Variants in GCN1 observed in about 807,000 individuals in gnomAD.
GCN1 encodes the protein GCN1 activator of EIF2AK4.
A neutral mutation model predicts 288.4 loss-of-function variants in GCN1; 90 were observed. The observed-to-expected ratio is 0.31, with a 90% CI of 0.26 to 0.37. The LOEUF is 0.37. Among genes scored for constraint, GCN1 ranks in the 10% least tolerant of loss-of-function variants. GCN1 has a pLI of 1.00. For synonymous variants in GCN1, 1,386 were observed against 1,420.2 expected (o/e 0.98, Z 0.54); for missense variants, 2,586 against 3,419.9 (o/e 0.76, Z 6.08).
intron 16 of GCN1, among the ~76,000 whole-genome samples, chr12:120,166,225 A>G (rs1250088112): frequency 2.0e-5 from 3 of 151,722 alleles, no homozygotes; most frequent in Admixed American, 1.3e-4. Flanking sequence ...CAACATAGTA[A>G]AACCCCGTCT....
intron 22 of GCN1, among the ~76,000 whole-genome samples, chr12:120,161,032 A>G (rs1877908953): frequency 6.6e-6 from 1 of 152,196 alleles, no homozygotes; most frequent in Non-Finnish European, 1.5e-5. Flanking sequence ...GACAGAGAGA[A>G]GAGCAAACGC....
At chr12:120,138,528 C>T in intron 46 of GCN1, 113 bp from the exon 47 acceptor site, 1 of 1,016,726 alleles carries the variant, frequency 9.8e-7, no homozygotes, top group East Asian at 2.4e-5. Flanking sequence ...ACCCACATTT[C>T]CTCACTGCCG....
chr12:120,175,351 A>G, intron 11 of GCN1, 139 bp from the exon 12 acceptor site: 1 of 802,162 alleles, frequency 1.2e-6, no homozygotes, highest in Non-Finnish European at 2.1e-6. Flanking sequence ...CTGGGTTTAA[A>G]GCAACTTTTA....
chr12:120,185,169 G>A (rs767178602), intron 2 of GCN1, among the ~76,000 whole-genome samples: 4 of 152,186 alleles, frequency 2.6e-5, no homozygotes, highest in Admixed American at 6.5e-5. Flanking sequence ...GTGCTGGAAT[G>A]GTTCTACTTC....
At position 120,148,160 on chromosome 12, in the gene GCN1, G is replaced by C; in HGVS notation, c.4726+7C>G. ...TCAGGGCAAGCACCCTCACGGGAAA[G>C]GCCTACCCAGGATCTCCGGGTTCCT... On this transcript the variant is annotated splice_region_variant and intron_variant, in intron 37 of 57. Transcript: ENST00000300648. 3 of 1,606,696 alleles carry C rather than the reference G, an allele frequency of 1.9e-6. No individual in the cohort carries two copies. The highest frequency in any genetic ancestry group is 1.7e-6 in the Non-Finnish European group (2 of 1,175,690).
At chr12:120,139,066 T>C (rs1877106209) in intron 45 of GCN1, 6 of 374,704 alleles carry the variant, frequency 1.6e-5, no homozygotes, top group Admixed American at 4.3e-5. Context: ...TCCCAGCACT[T>C]TGGGAGGCCA....
At chr12:120,189,656 C>T (rs954367043) in intron 2 of GCN1, among the ~76,000 whole-genome samples, 4 of 152,098 alleles carry the variant, frequency 2.6e-5, no homozygotes, top group Non-Finnish European at 5.9e-5. Context: ...CGTGAGCCAC[C>T]GTGCCTGGCC....
At position 120,131,975 on chromosome 12, in the gene GCN1, G is replaced by C; in HGVS notation, c.7365C>G (p.Ala2455=). 6.2e-7 allele frequency: 1 copy of C among 1,605,896 alleles called. No homozygotes were observed. Among genetic ancestry groups the C allele is most frequent in the Non-Finnish European group, 8.5e-7 (1 of 1,175,612 alleles). ...SSAGCLGELC[A]FLTEEELSAV... is the part of the protein sequence containing the mutation. ...CACTAAGCTCCTCTTCAGTCAAAAA[G>C]GCACACAGTTCCCCTAGGCACCCGG... The change falls in exon 54 of 58, where the codon GCC becomes GCG. Residue 2455 remains alanine (A), a synonymous_variant. Transcript: ENST00000300648.
In GCN1 at chr12:120,134,883, C is replaced by G. The variant is rs1876948302; in HGVS notation, c.7009-157G>C. 6.6e-6 allele frequency among the ~76,000 whole-genome samples: 1 copy of G among 152,208 alleles called. No individual in the cohort carries two copies. Among genetic ancestry groups the G allele is most frequent in the African/African-American group, 2.4e-5 (1 of 41,462 alleles). ...GATAGCCCGTCAGAGAGGCCAAACA[C>G]AGACAGGTTTCGCTTGGCCTCCTGG... On this transcript the variant is annotated intron_variant, in intron 51 of 57. Transcript: ENST00000300648. The surrounding 1 kb of genome is among the most constrained non-coding windows in gnomAD (Gnocchi z 5.0).
chr12:120,186,238 C>A (rs752018561), intron 2 of GCN1, among the ~76,000 whole-genome samples: 10 of 152,078 alleles, frequency 6.6e-5, no homozygotes, highest in Non-Finnish European at 1.3e-4. Flanking sequence ...ACTCAGGAGG[C>A]TAAGGTGGGA....
At chr12:120,175,514 T>C (rs1878452380) in intron 11 of GCN1, among the ~76,000 whole-genome samples, 2 of 152,250 alleles carry the variant, frequency 1.3e-5, no homozygotes, top group African/African-American at 2.4e-5. Flanking sequence ...TTTTCTGCTA[T>C]GCCTACAAAA....
chr12:120,137,436 C>T lies in GCN1; in HGVS notation c.6663+109G>A, dbSNP rs57856783. ...ACAAGACTTGCCACGAGTGGGTAAA[C>T]GCCGAAGCTGAGTGACAGGTACGTG... On this transcript the variant is annotated intron_variant, in intron 49 of 57. Transcript: ENST00000300648. The surrounding 1 kb of genome is among the most constrained non-coding windows in gnomAD (Gnocchi z 5.2). 1.4e-3 allele frequency: 1,934 copies of T among 1,422,064 alleles called. 29 individuals are homozygous for T. The African/African-American group carries it at 0.024, about 17-fold the overall frequency. 88.1% of individuals were successfully genotyped at this position (1,422,064 alleles called of 1,614,324 possible).
At chr12:120,194,429 G>A (rs1381138521) in intron 1 of GCN1, among the ~76,000 whole-genome samples, 2 of 152,240 alleles carry the variant, frequency 1.3e-5, no homozygotes, top group South Asian at 4.1e-4. Flanking sequence ...TCGGGCAAAG[G>A]CCCCGCCGAG....
chr12:120,174,832 A>G (rs899867346), intron 12 of GCN1, among the ~76,000 whole-genome samples: 1 of 148,294 alleles, frequency 6.7e-6, no homozygotes, highest in Non-Finnish European at 1.5e-5. Context: ...ACCAGATCAC[A>G]GCTCTACTCC....
In GCN1 at chr12:120,177,724, T is replaced by G; in HGVS notation, c.689A>C (p.Asn230Thr). 1 of 1,613,584 alleles carries G rather than the reference T, an allele frequency of 6.2e-7. No individual in the cohort carries two copies. The highest frequency in any genetic ancestry group is 8.5e-7 in the Non-Finnish European group (1 of 1,179,548). ...AGGCTTGACTTTGCTCATCAGGATG[T>G]TCTTCATGTAAAAGTCCAGTAGGGC... ...KSALLDFYMK[N>T]ILMSKVKPPK... The change falls in exon 8 of 58, where the codon AAC (asparagine) becomes ACC (threonine). Residue 230 changes from asparagine (N) to threonine (T), a missense_variant. Asn to Thr is a moderately conservative substitution (Grantham distance 65, BLOSUM62 0). Coordinates refer to ENST00000300648, the MANE Select transcript of GCN1 (RefSeq NM_006836.2).
rs1877985102 is a variant in GCN1, at chr12:120,163,140, G to A, written c.1968C>T (p.Leu656=). 3 of 1,614,230 alleles carry A rather than the reference G, an allele frequency of 1.9e-6. No individual in the cohort carries two copies. Among genetic ancestry groups the A allele is most frequent in the Non-Finnish European group, 2.5e-6 (3 of 1,180,034 alleles). ...ALCVISGVPG[L]KGDVTDTEQL... ...GTTCAGTGTCGGTGACATCACCCTT[G>A]AGCCCTGGCACACCGGAGATGACAC... is the stretch of plus-strand genomic sequence containing the variant. The change falls in exon 19 of 58, where the codon CTC becomes CTT. Residue 656 remains leucine (L), a synonymous_variant. Transcript: ENST00000300648.
rs1230916848 is a variant in GCN1, at chr12:120,194,671, C to T, written c.18+9G>A. 3 of 1,514,704 alleles carry T rather than the reference C, an allele frequency of 2.0e-6. No individual in the cohort carries two copies. The highest frequency in any genetic ancestry group is 2.6e-5 in the East Asian group (1 of 37,822). The allele number at this position is 1,514,704 out of a possible 1,614,324, so 93.8% of individuals were successfully genotyped here. A position where few individuals can be genotyped will look rare whatever the true frequency, so the allele number is the denominator to read the frequency against. ...CTGGCCGCGTTGGCCCCGCAGCCGC[C>T]CGCCTCACCTGCGTGTCCGCCGCCA... On this transcript the variant is annotated intron_variant, in intron 1 of 57. Transcript: ENST00000300648.
In GCN1 at chr12:120,177,762, AC is replaced by A; in HGVS notation, c.661-11del. 1 of 1,601,286 alleles carries A rather than the reference AC, an allele frequency of 6.2e-7. No individual in the cohort carries two copies. The highest frequency in any genetic ancestry group is 8.6e-7 in the Non-Finnish European group (1 of 1,168,310). On this transcript the variant is annotated splice_polypyrimidine_tract_variant and intron_variant, in intron 7 of 57. Coordinates refer to ENST00000300648, the MANE Select transcript of GCN1 (RefSeq NM_006836.2). ...AGTCCAGTAGGGCGCTCTAGAGAAC[AC>A]AAAGCTCTGGTTAGATCCTGACATT...
In GCN1 at chr12:120,158,444, C is replaced by A. The variant is rs748218584; in HGVS notation, c.2905+16G>T. The A allele has an allele frequency of 2.0e-6, 3 of 1,537,884 alleles. No individual in the cohort carries two copies. Among genetic ancestry groups the A allele is most frequent in the East Asian group, 4.9e-5 (2 of 40,874 alleles). ...CTCACACCGCCTGGTGCCCCTGATC[C>A]CGTCCCAGCCCTTACCTGGCTCCCC... On this transcript the variant is annotated intron_variant, in intron 25 of 57. Transcript: ENST00000300648. The surrounding 1 kb of genome is among the most constrained non-coding windows in gnomAD (Gnocchi z 4.3).
Sources: gnomAD v4.1 joint callset for allele counts (sites outside exome capture counted in the v4.1 genomes callset) on GRCh38, gnomAD v4.1.1 for gene constraint, Gnocchi (gnomAD v3.1) non-coding constraint, MANE v1.5 for transcripts, NCBI Gene and HGNC (gene_info 2026-07-23, HGNC 2026-07-21) for gene names.